SESN1: variants seen among roughly 807,000 people sequenced by gnomAD.
SESN1 encodes the protein sestrin-1.
SESN1 carries 30 observed loss-of-function variants against 59.3 expected under a neutral mutation model. That is an observed-to-expected ratio of 0.51 (90% confidence interval 0.38 to 0.69). The LOEUF (loss-of-function observed/expected upper bound fraction) is 0.69, where lower values mean the gene tolerates loss of function less well. Among genes scored for constraint, SESN1 ranks in the 30% least tolerant of loss-of-function variants. SESN1 has a pLI of 0.00. For missense variants in SESN1, 566 were observed against 673.0 expected, an observed-to-expected ratio of 0.84 and a Z score of 1.76; for synonymous variants, 197 against 219.9, an observed-to-expected ratio of 0.90 and a Z score of 0.92.
chr6:109,093,133 T>G (rs1781357881), intron 1 of SESN1, among the ~76,000 whole-genome samples: 1 of 152,170 alleles, frequency 6.6e-6, no homozygotes, highest in South Asian at 2.1e-4. Context: ...TATAATATTT[T>G]TAACCTGCTG....
chr6:109,047,410 G>A (rs1311571656), intron 1 of SESN1, among the ~76,000 whole-genome samples: 10 of 128,410 alleles, frequency 7.8e-5, no homozygotes, highest in South Asian at 2.8e-4. Flanking sequence ...CTGCCCGGCC[G>A]CCCCTACTGG....
At chr6:109,091,285 A>G (rs2114485164) in intron 1 of SESN1, among the ~76,000 whole-genome samples, 1 of 152,356 alleles carries the variant, frequency 6.6e-6, no homozygotes, top group Admixed American at 6.5e-5. Context: ...ACAACAGGCT[A>G]TATAACACAT....
At chr6:109,073,289 G>A (rs1780970177) in intron 1 of SESN1, among the ~76,000 whole-genome samples, 2 of 152,150 alleles carry the variant, frequency 1.3e-5, no homozygotes, top group Admixed American at 6.6e-5. Context: ...TAGTGCATAT[G>A]AGTACCTAGA....
intron 5 of SESN1, among the ~76,000 whole-genome samples, chr6:108,996,518 G>A (rs1364958999): frequency 7.9e-5 from 12 of 151,916 alleles, no homozygotes; most frequent in African/African-American, 2.7e-4. Flanking sequence ...TCCTCTTAAA[G>A]AGCCCAAATT....
intron 1 of SESN1, among the ~76,000 whole-genome samples, chr6:109,019,521 G>A (rs1233281990): frequency 6.6e-6 from 1 of 152,082 alleles, no homozygotes; most frequent in Non-Finnish European, 1.5e-5. Context: ...GCCTGTCCTG[G>A]GTCTAGTCTA....
chr6:109,082,987 G>A (rs548645137), intron 1 of SESN1, among the ~76,000 whole-genome samples: 85 of 152,206 alleles, frequency 5.6e-4, no homozygotes, highest in African/African-American at 1.9e-3. Flanking sequence ...TGCTTTACAC[G>A]TTCAAATAAT....
chr6:109,001,605 AAG>A (rs1779627200), intron 2 of SESN1, 117 bp from the exon 3 acceptor site: 2 of 880,296 alleles, frequency 2.3e-6, no homozygotes, highest in African/African-American at 1.7e-5. Context: ...TGGCTTAAGA[AAG>A]AGGGGTTACA....
At chr6:109,041,042 C>T (rs112871784) in intron 1 of SESN1, among the ~76,000 whole-genome samples, 17,039 of 151,524 alleles carry the variant, frequency 0.11, 1,056 homozygotes, top group Middle Eastern at 0.2. Context: ...GGCTCATGCC[C>T]ATAATCCCAG....
At chr6:109,058,436 C>T (rs1780672938) in intron 1 of SESN1, among the ~76,000 whole-genome samples, 1 of 152,128 alleles carries the variant, frequency 6.6e-6, no homozygotes, top group Non-Finnish European at 1.5e-5. Flanking sequence ...GTAGGCTATA[C>T]CATCTAGGTT....
intron 1 of SESN1, among the ~76,000 whole-genome samples, chr6:109,032,060 G>A (rs1487207429): frequency 6.6e-6 from 1 of 152,020 alleles, no homozygotes; most frequent in Non-Finnish European, 1.5e-5. Context: ...ACCTGAGGTC[G>A]AGAGTTTGAG....
intron 1 of SESN1, among the ~76,000 whole-genome samples, chr6:109,020,470 C>T (rs994369302): frequency 3.3e-5 from 5 of 152,100 alleles, no homozygotes; most frequent in African/African-American, 1.2e-4. Flanking sequence ...CAGTGAAATG[C>T]TACAGGCCAA....
intron 9 of SESN1, chr6:108,988,323 T>C: frequency 2.5e-6 from 1 of 402,358 alleles, no homozygotes; most frequent in Non-Finnish European, 4.4e-6. Context: ...CCAGCACTTC[T>C]GAAGACGGGC....
At chr6:109,019,887 G>C (rs1379141002) in intron 1 of SESN1, among the ~76,000 whole-genome samples, 1 of 152,160 alleles carries the variant, frequency 6.6e-6, no homozygotes, top group Non-Finnish European at 1.5e-5. Flanking sequence ...TTAGTTTGTA[G>C]ATCATAAATA....
At chr6:109,033,315 TA>T (rs1028094955) in intron 1 of SESN1, among the ~76,000 whole-genome samples, 1 of 152,214 alleles carries the variant, frequency 6.6e-6, no homozygotes, top group Non-Finnish European at 1.5e-5. Flanking sequence ...GGCAGACTGT[TA>T]AAAACTGATT....
chr6:108,998,367 A>T, intron 5 of SESN1, 146 bp downstream of exon 5: 7 of 865,506 alleles, frequency 8.1e-6, no homozygotes, highest in Non-Finnish European at 1.2e-5. Context: ...GCAGTCAATA[A>T]AACCCTACTG....
chr6:108,986,121 T>G lies in SESN1; in HGVS notation c.*1423A>C, dbSNP rs1779180947. Among the ~76,000 whole-genome samples, 1 of 152,218 alleles carries G rather than the reference T, an allele frequency of 6.6e-6. No individual in the cohort carries two copies. Among genetic ancestry groups the G allele is most frequent in the Non-Finnish European group, 1.5e-5 (1 of 68,028 alleles). ...AGTTAAACTTAGAGCTATTTCTACT[T>G]GTCTGATGAGTGTCATTTTTTGTTC... On this transcript the variant is annotated 3_prime_UTR_variant, in exon 10 of 10. Coordinates refer to ENST00000436639, the MANE Select transcript of SESN1 (RefSeq NM_014454.3).
intron 1 of SESN1, among the ~76,000 whole-genome samples, chr6:109,063,951 T>C (rs911065056): frequency 4.6e-5 from 7 of 152,140 alleles, no homozygotes; most frequent in Non-Finnish European, 8.8e-5. Flanking sequence ...TTCATTTATT[T>C]TACCCCAACT....
chr6:109,077,781 T>A (rs1464866193), intron 1 of SESN1, among the ~76,000 whole-genome samples: 2 of 152,214 alleles, frequency 1.3e-5, no homozygotes, highest in Admixed American at 1.3e-4. Context: ...CATATTTGTG[T>A]ACTTCTTTTG....
chr6:109,074,087 C>T (rs1159899606), intron 1 of SESN1, among the ~76,000 whole-genome samples: 1 of 152,142 alleles, frequency 6.6e-6, no homozygotes, highest in Non-Finnish European at 1.5e-5. Context: ...AACACAAATA[C>T]CATTGTGTTA....
Sources: allele counts gnomAD v4.1 joint callset (sites outside exome capture counted in the v4.1 genomes callset), GRCh38; gene constraint gnomAD v4.1.1; transcripts MANE v1.5; gene names NCBI Gene and HGNC (gene_info 2026-07-23, HGNC 2026-07-21).